SLCO1B1: variants seen among roughly 807,000 people sequenced by gnomAD.
SLCO1B1 encodes solute carrier organic anion transporter family member 1B1, also known as OATP-2.
Under a neutral mutation model 70.1 loss-of-function variants are expected in SLCO1B1, and 81 were observed. That is an observed-to-expected ratio of 1.16 (90% CI 0.97 to 1.39). The LOEUF (loss-of-function observed/expected upper bound fraction) is 1.39. Ranked by LOEUF, SLCO1B1 falls within the 40% of genes most tolerant of loss-of-function variation. The pLI, the probability that SLCO1B1 is intolerant of heterozygous loss-of-function variation, is 0.00. For missense variants in SLCO1B1, 895 were observed against 799.6 expected (o/e 1.12, Z -1.44); for synonymous variants, 283 against 271.5 (o/e 1.04, Z -0.42).
Position 21,172,669 on chromosome 12 carries a change from C to A in SLCO1B1, c.104C>A (p.Ser35Ter). Reference protein sequence around the residue: ...NGLKMFLAALSLSFIAKTLGA... With the variant: ...NGLKMFLAAL The stretch of plus-strand genomic sequence containing the variant: ...TCTTAGATGTTCTTGGCAGCTCTGT[C>A]ACTCAGCTTTATTGCTAAGACACTA... The change falls in exon 3 of 15, where the codon TCA becomes TAA. Residue 35 changes from serine (S) to a stop codon, truncating the protein, a stop_gained. Transcript: ENST00000256958. LOFTEE classifies it high-confidence loss of function. 1 of 1,613,854 alleles carries A rather than the reference C, an allele frequency of 6.2e-7. No homozygotes were observed. Among genetic ancestry groups the A allele is most frequent in the Non-Finnish European group, 8.5e-7 (1 of 1,179,900 alleles).
rs141017165 is a variant in SLCO1B1 at position 21,135,217 on chromosome 12, G to T, written c.-62+3981G>T. Among the ~76,000 whole-genome samples, 1,331 of 152,268 alleles carry T rather than the reference G, an allele frequency of 8.7e-3. 22 individuals are homozygous for T. Among genetic ancestry groups the T allele is most frequent in the African/African-American group, 0.03 (1,263 of 41,530 alleles). On this transcript the variant is annotated intron_variant, in intron 1 of 14. Transcript: ENST00000256958. Reference sequence around the variant, plus strand: ...TGAGAAACAGTTTGTTATAATTTCTGTTCTTTTCCATTTGCTGAGGAGAGC... The same window carrying T: ...TGAGAAACAGTTTGTTATAATTTCTTTTCTTTTCCATTTGCTGAGGAGAGC...
At chr12:21,154,093 T>C (rs896403159) in intron 2 of SLCO1B1, among the ~76,000 whole-genome samples, 2 of 152,106 alleles carry the variant, frequency 1.3e-5, no homozygotes, top group Non-Finnish European at 2.9e-5. Flanking sequence ...GATTTTCCCC[T>C]TTTTTAATGC....
intron 3 of SLCO1B1, 50 bp downstream of exon 3, chr12:21,172,841 A>T: frequency 6.5e-7 from 1 of 1,530,586 alleles, no homozygotes; most frequent in Non-Finnish European, 9.0e-7. Flanking sequence ...GTTAAAAAAT[A>T]TATATGCTTT....
chr12:21,209,629 G>A (rs185829083), intron 11 of SLCO1B1, among the ~76,000 whole-genome samples: 431 of 152,054 alleles, frequency 2.8e-3, no homozygotes, highest in African/African-American at 9.6e-3. Context: ...CTGAGGAATC[G>A]CCACACTGAC....
Position 21,202,650 on chromosome 12 carries a change from A to G in SLCO1B1, c.1295A>G (p.Asn432Ser). Residue 432 changes from asparagine (N) to serine (S), a missense_variant, in exon 10 of 15, where the codon AAC becomes AGC. Physicochemically the swap from Asn to Ser is conservative, Grantham distance 46 (BLOSUM62 1). Transcript: ENST00000256958. ...TTATATTTTTTCATACTCTGTGAAA[A>G]CAAATCAGTTGCCGGACTAACCATG... ...YLLYFFILCE[N>S]KSVAGLTMTY... The G allele has an allele frequency of 1.2e-6, 2 of 1,612,768 alleles. No individual in the cohort carries two copies. Among genetic ancestry groups the G allele is most frequent in the African/African-American group, 2.7e-5 (2 of 74,962 alleles).
At chr12:21,210,970 T>G (rs1941276526) in intron 11 of SLCO1B1, among the ~76,000 whole-genome samples, 5 of 152,114 alleles carry the variant, frequency 3.3e-5, no homozygotes. Context: ...GCTGAGACAA[T>G]GGGGTTTTCT....
intron 2 of SLCO1B1, among the ~76,000 whole-genome samples, chr12:21,145,952 T>A (rs1019546731): frequency 1.3e-5 from 2 of 152,128 alleles, no homozygotes; most frequent in African/African-American, 4.8e-5. Context: ...TAGGTTAATG[T>A]TGGCCTCAAT....
At chr12:21,156,584 A>G (rs565921223) in intron 2 of SLCO1B1, among the ~76,000 whole-genome samples, 3 of 152,282 alleles carry the variant, frequency 2.0e-5, no homozygotes, top group Admixed American at 2.0e-4. Flanking sequence ...TTAATAACAG[A>G]AAAAATATCA....
intron 7 of SLCO1B1, among the ~76,000 whole-genome samples, chr12:21,196,393 T>A (rs74064195): frequency 0.01 from 1,538 of 152,274 alleles, 33 homozygotes; most frequent in South Asian, 0.039. Flanking sequence ...TATCCTTAAC[T>A]TTTAGAGTCT....
intron 7 of SLCO1B1, among the ~76,000 whole-genome samples, chr12:21,185,320 T>C (rs1050900096): frequency 3.3e-5 from 5 of 152,154 alleles, no homozygotes; most frequent in African/African-American, 1.2e-4. Flanking sequence ...TCTTCTCATC[T>C]GCATATAGAT....
intron 11 of SLCO1B1, among the ~76,000 whole-genome samples, chr12:21,211,225 A>G (rs1278018289): frequency 2.0e-5 from 3 of 151,972 alleles, no homozygotes; most frequent in Non-Finnish European, 2.9e-5. Context: ...ATTATTTTGA[A>G]ATACGTCCCA....
At chr12:21,191,520 T>C (rs1333461643) in intron 7 of SLCO1B1, among the ~76,000 whole-genome samples, 1 of 152,150 alleles carries the variant, frequency 6.6e-6, no homozygotes, top group Non-Finnish European at 1.5e-5. Context: ...AACAGGTGTG[T>C]GTGTGTGTGC....
chr12:21,167,268 G>T (rs1940697739), intron 2 of SLCO1B1, among the ~76,000 whole-genome samples: 2 of 152,038 alleles, frequency 1.3e-5, no homozygotes, highest in Admixed American at 1.3e-4. Flanking sequence ...ACAAATTAAT[G>T]AAATCTAATA....
intron 2 of SLCO1B1, among the ~76,000 whole-genome samples, chr12:21,153,666 T>C (rs1188028584): frequency 1.3e-5 from 2 of 152,114 alleles, no homozygotes; most frequent in Admixed American, 6.5e-5. Context: ...ATTTCACTTA[T>C]CATAATTGAA....
intron 12 of SLCO1B1, among the ~76,000 whole-genome samples, chr12:21,220,099 T>C (rs1039497934): frequency 6.6e-6 from 1 of 152,192 alleles, no homozygotes; most frequent in Admixed American, 6.5e-5. Flanking sequence ...TAGGGTTTGC[T>C]GAGACATTGA....
chr12:21,161,060 T>C (rs1940612634), intron 2 of SLCO1B1, among the ~76,000 whole-genome samples: 1 of 152,150 alleles, frequency 6.6e-6, no homozygotes, highest in South Asian at 2.1e-4. Context: ...ACACTGTTGG[T>C]GGGAGTGTAA....
intron 7 of SLCO1B1, among the ~76,000 whole-genome samples, chr12:21,181,263 GA>G (rs1335006877): frequency 6.6e-6 from 1 of 152,126 alleles, no homozygotes; most frequent in African/African-American, 2.4e-5. Context: ...AGTGAGCCAA[GA>G]AAAACTTTTT....
chr12:21,224,514 G>A (rs1029390771), intron 13 of SLCO1B1, among the ~76,000 whole-genome samples: 3 of 152,094 alleles, frequency 2.0e-5, no homozygotes, highest in African/African-American at 7.2e-5. Flanking sequence ...GGTACGAGTA[G>A]GTAAAAGGTG....
At chr12:21,136,604 T>G (rs1459485271) in intron 1 of SLCO1B1, among the ~76,000 whole-genome samples, 2 of 152,216 alleles carry the variant, frequency 1.3e-5, no homozygotes, top group Non-Finnish European at 2.9e-5. Context: ...CTGATAACCT[T>G]TCTTCCAGTT....
Sources: gnomAD v4.1 joint callset for allele counts (sites outside exome capture counted in the v4.1 genomes callset) on GRCh38, gnomAD v4.1.1 for gene constraint, MANE v1.5 for transcripts, NCBI Gene and HGNC (gene_info 2026-07-23, HGNC 2026-07-21) for gene names.